ZMYM1: variants seen among roughly 807,000 people sequenced by gnomAD.
ZMYM1 encodes zinc finger MYM-type containing 1.
In ZMYM1, 39 loss-of-function variants were observed where a neutral mutation model predicts 60.0. That is an observed-to-expected ratio of 0.65 (90% CI 0.50 to 0.85). ZMYM1 has a LOEUF of 0.85. Ranked by LOEUF, ZMYM1 falls within the 40% of genes least tolerant of loss-of-function variation. The pLI, the probability that ZMYM1 is intolerant of heterozygous loss-of-function variation, is 0.00. For synonymous variants in ZMYM1, 413 were observed against 454.0 expected, an observed-to-expected ratio of 0.91 and a Z score of 1.15; for missense variants, 1,171 against 1,309.5, an observed-to-expected ratio of 0.89 and a Z score of 1.63.
chr1:35,113,296 G>T lies in ZMYM1; in HGVS notation c.1466G>T (p.Ser489Ile). Residue 489 changes from serine to isoleucine, a missense_variant, in exon 10 of 10, where the codon AGC (serine) becomes ATC (isoleucine). Ser to Ile is a moderately radical substitution (Grantham distance 142). Coordinates refer to ENST00000359858, the MANE Select transcript of ZMYM1 (RefSeq NM_024772.5). ...CAGTTGTTCTGCCAAAAATATTTTAGCTGTGGAAGAGAGTCATTTGCAACC... is the reference window on the plus strand; with the variant it reads ...CAGTTGTTCTGCCAAAAATATTTTATCTGTGGAAGAGAGTCATTTGCAACC... ...SCQLFCQKYF[S>I]CGRESFATHG... The T allele has an allele frequency of 1.2e-6, 2 of 1,612,670 alleles. No homozygotes were observed.
In ZMYM1 at chr1:35,114,237, C is replaced by T; in HGVS notation, c.2407C>T (p.His803Tyr). ...RLSQNKTCKK[H>Y]ISQSCWTVHD... ...AAGTCAAAACAAAACATGCAAGAAACATATATCACAATCATGTTGGACAGT... is the reference window on the plus strand; with the variant it reads ...AAGTCAAAACAAAACATGCAAGAAATATATATCACAATCATGTTGGACAGT... Residue 803 changes from histidine to tyrosine, a missense_variant, in exon 10 of 10, where the codon CAT (histidine) becomes TAT (tyrosine). By Grantham distance (83) the His-to-Tyr change is moderately conservative. Transcript: ENST00000359858. The T allele has an allele frequency of 6.2e-7, 1 of 1,613,654 alleles. No homozygotes were observed. The highest frequency in any genetic ancestry group is 8.5e-7 in the Non-Finnish European group (1 of 1,179,826).
chr1:35,086,255 C>T (rs1642649598), intron 1 of ZMYM1, among the ~76,000 whole-genome samples: 2 of 151,896 alleles, frequency 1.3e-5, no homozygotes, highest in Non-Finnish European at 2.9e-5. Context: ...TCAATATATA[C>T]AGAATTTTAA....
At chr1:35,078,702 C>G (rs1250456322), upstream of ZMYM1, among the ~76,000 whole-genome samples, 1 of 151,936 alleles carries the variant, frequency 6.6e-6, no homozygotes, top group Non-Finnish European at 1.5e-5. Context: ...GCGCCCGCCT[C>G]CATGCCCGGC....
intron 1 of ZMYM1, among the ~76,000 whole-genome samples, chr1:35,070,781 A>G (rs2148478278): frequency 6.6e-6 from 1 of 150,668 alleles, no homozygotes; most frequent in South Asian, 2.1e-4. Flanking sequence ...GTTGAGTTAC[A>G]TACCTTCTAT....
chr1:35,108,681 A>G (rs1570022558), intron 6 of ZMYM1, among the ~76,000 whole-genome samples: 1 of 146,244 alleles, frequency 6.8e-6, no homozygotes, highest in African/African-American at 2.5e-5. Flanking sequence ...CTCCAAAAGC[A>G]GTTTTGTTCC....
chr1:35,112,033 C>G, intron 8 of ZMYM1, 54 bp from the exon 9 acceptor site: 2 of 1,568,498 alleles, frequency 1.3e-6, no homozygotes, highest in Non-Finnish European at 1.7e-6. Flanking sequence ...GTTTATGATG[C>G]TATTTTATAG....
chr1:35,104,217 G>C, intron 4 of ZMYM1, 78 bp from the exon 5 acceptor site: 1 of 1,262,532 alleles, frequency 7.9e-7, no homozygotes, highest in Non-Finnish European at 1.1e-6. Flanking sequence ...ACTCTAATTT[G>C]AGAGGTCATT....
At chr1:35,101,228 C>G (rs1466278696) in intron 4 of ZMYM1, among the ~76,000 whole-genome samples, 1 of 150,972 alleles carries the variant, frequency 6.6e-6, no homozygotes, top group Admixed American at 6.7e-5. Flanking sequence ...TCTGCCTCAG[C>G]CTCCCTAGTA....
intron 5 of ZMYM1, 30 bp from the exon 6 acceptor site, chr1:35,104,526 GT>G: frequency 6.2e-7 from 1 of 1,612,316 alleles, no homozygotes; most frequent in Non-Finnish European, 8.5e-7. Context: ...AAATATCAGA[GT>G]TTTTACTGAA....
rs921239876 is a variant in ZMYM1 at position 35,096,738 on chromosome 1, G to A, written c.170-579G>A. On this transcript the variant is annotated intron_variant, in intron 3 of 9. Transcript: ENST00000359858. ...TGAGACGGAGTCTCGCTCTCGCTCTGTTGCCAGGCTGGAGGGCAGTGCATG... is the reference window on the plus strand; with the variant it reads ...TGAGACGGAGTCTCGCTCTCGCTCTATTGCCAGGCTGGAGGGCAGTGCATG... 7.2e-5 allele frequency among the ~76,000 whole-genome samples: 11 copies of A among 152,160 alleles called. No individual in the cohort carries two copies. In the East Asian group the frequency reaches 2.1e-3, roughly 30 times the overall value.
intron 1 of ZMYM1, among the ~76,000 whole-genome samples, chr1:35,086,981 C>CATTT (rs1642689659): frequency 7.7e-6 from 1 of 130,486 alleles, no homozygotes; most frequent in Non-Finnish European, 1.6e-5. Flanking sequence ...CCGCACCCAG[C>CATTT]CTTTTTTTTT....
In ZMYM1 at chr1:35,115,255, TATA is replaced by T. The variant is rs1644230659; in HGVS notation, c.3429_*2del. Reference sequence around the variant, plus strand: ...AAGTTTATCAGTCAGATGAAAGAAATATAATACATGCTCATTTGAACTTACCTA... The same window carrying T: ...AAGTTTATCAGTCAGATGAAAGAAATATACATGCTCATTTGAACTTACCTA... On this transcript the variant is annotated stop_lost and inframe_deletion, in exon 10 of 10. Coordinates refer to ENST00000359858, the MANE Select transcript of ZMYM1 (RefSeq NM_024772.5). 2 of 1,577,410 alleles carry T rather than the reference TATA, an allele frequency of 1.3e-6. No individual in the cohort carries two copies. The highest frequency in any genetic ancestry group is 1.7e-6 in the Non-Finnish European group (2 of 1,167,370).
intron 4 of ZMYM1, among the ~76,000 whole-genome samples, chr1:35,102,789 A>G (rs1643726125): frequency 6.6e-6 from 1 of 152,220 alleles, no homozygotes; most frequent in Admixed American, 6.5e-5. Flanking sequence ...TGAGACAACC[A>G]TCATCCTTTG....
chr1:35,091,971 G>A (rs1422299989), intron 1 of ZMYM1, among the ~76,000 whole-genome samples: 2 of 151,876 alleles, frequency 1.3e-5, no homozygotes, highest in Non-Finnish European at 2.9e-5. Flanking sequence ...TGTCTCCCAG[G>A]CTGGAGTGCA....
At chr1:35,066,387 G>A (rs536505377) in intron 1 of ZMYM1, among the ~76,000 whole-genome samples, 79 of 152,194 alleles carry the variant, frequency 5.2e-4, no homozygotes, top group Non-Finnish European at 6.9e-4. Context: ...TAGTAGAGAT[G>A]GGGTTTCACC....
chr1:35,064,954 C>T (rs1363133695), intron 1 of ZMYM1, among the ~76,000 whole-genome samples: 1 of 152,042 alleles, frequency 6.6e-6, no homozygotes, highest in Non-Finnish European at 1.5e-5. Flanking sequence ...GGCTTACAAG[C>T]GTGAGCCACT....
chr1:35,092,313 GCCT>G (rs1643063895), intron 1 of ZMYM1, among the ~76,000 whole-genome samples: 1 of 151,292 alleles, frequency 6.6e-6, no homozygotes, highest in South Asian at 2.1e-4. Context: ...GTTCACTGCA[GCCT>G]CCGCCTCCTG....
intron 1 of ZMYM1, among the ~76,000 whole-genome samples, chr1:35,084,817 T>A (rs1642571890): frequency 6.6e-6 from 1 of 152,120 alleles, no homozygotes; most frequent in Non-Finnish European, 1.5e-5. Flanking sequence ...GCATATTATT[T>A]TTCTGTAGTT....
At chr1:35,063,357 G>C (rs753829884) in intron 1 of ZMYM1, among the ~76,000 whole-genome samples, 9 of 152,096 alleles carry the variant, frequency 5.9e-5, no homozygotes, top group Non-Finnish European at 8.8e-5. Flanking sequence ...ACCCAGGCTA[G>C]AGTGCAGTGG....
Sources: gnomAD v4.1 joint callset for allele counts (sites outside exome capture counted in the v4.1 genomes callset) on GRCh38, gnomAD v4.1.1 for gene constraint, MANE v1.5 for transcripts, NCBI Gene and HGNC (gene_info 2026-07-23, HGNC 2026-07-21) for gene names.